Variants in ERH observed in about 807,000 individuals in gnomAD.
ERH encodes enhancer of rudimentary homolog.
A neutral mutation model predicts 16.8 loss-of-function variants in ERH; 1 was observed. The ratio of observed to expected loss-of-function variants is 0.06; its 90% CI spans 0.02 to 0.28. The LOEUF (loss-of-function observed/expected upper bound fraction) is 0.28. Ranked by LOEUF, ERH falls within the 10% of genes least tolerant of loss-of-function variation. The pLI, the probability that ERH is intolerant of heterozygous loss-of-function variation, is 1.00. For synonymous variants in ERH, 43 were observed against 43.6 expected (o/e 0.99, Z 0.05); for missense variants, 42 against 127.5 (o/e 0.33, Z 3.23).
intron 3 of ERH, among the ~76,000 whole-genome samples, chr14:69,383,233 C>A (rs772423697): frequency 6.6e-6 from 1 of 152,210 alleles, no homozygotes; most frequent in African/African-American, 2.4e-5. Flanking sequence ...TTCATGCCTA[C>A]ATTTTATTAT....
At chr14:69,388,936 A>G (rs959788775) in intron 2 of ERH, among the ~76,000 whole-genome samples, 3 of 152,230 alleles carry the variant, frequency 2.0e-5, no homozygotes, top group Non-Finnish European at 1.5e-5. Context: ...TGATCACAGA[A>G]TATCACCCAT....
intron 1 of ERH, 186 bp downstream of exon 1, chr14:69,398,045 G>A (rs1195466155): frequency 2.7e-6 from 2 of 744,872 alleles, no homozygotes; most frequent in African/African-American, 1.8e-5. Flanking sequence ...GGCGGACCGG[G>A]GCTCCGAGGC....
intron 2 of ERH, among the ~76,000 whole-genome samples, chr14:69,389,265 G>A (rs1317855002): frequency 6.6e-6 from 1 of 152,176 alleles, no homozygotes; most frequent in East Asian, 1.9e-4. Flanking sequence ...GACCTCAGGT[G>A]ATCCACCCGC....
intron 1 of ERH, among the ~76,000 whole-genome samples, chr14:69,397,492 G>GA (rs1261051059): frequency 6.0e-5 from 9 of 151,146 alleles, no homozygotes; most frequent in Non-Finnish European, 1.2e-4. Flanking sequence ...AACGAAAGCT[G>GA]AAAAAACACT....
At chr14:69,383,257 G>T (rs2045873243) in intron 3 of ERH, among the ~76,000 whole-genome samples, 1 of 152,212 alleles carries the variant, frequency 6.6e-6, no homozygotes, top group Non-Finnish European at 1.5e-5. Context: ...TGCATGGTCA[G>T]TTTGCTCTGG....
intron 2 of ERH, among the ~76,000 whole-genome samples, chr14:69,387,920 C>T (rs1594887586): frequency 6.6e-6 from 1 of 152,134 alleles, no homozygotes; most frequent in East Asian, 1.9e-4. Flanking sequence ...GTGGCAGGCA[C>T]CTGTAGCCCC....
At chr14:69,395,625 A>T (rs1382087853) in intron 1 of ERH, among the ~76,000 whole-genome samples, 1 of 152,230 alleles carries the variant, frequency 6.6e-6, no homozygotes, top group East Asian at 1.9e-4. Flanking sequence ...AATCACAAGC[A>T]TGGTTTCAAC....
intron 3 of ERH, among the ~76,000 whole-genome samples, chr14:69,385,691 A>C (rs2045887847): frequency 6.6e-6 from 1 of 152,002 alleles, no homozygotes; most frequent in Admixed American, 6.6e-5. Context: ...GCCACCTATA[A>C]ATCCTCTCTT....
At chr14:69,393,115 G>A (rs943058291) in intron 2 of ERH, among the ~76,000 whole-genome samples, 4 of 152,134 alleles carry the variant, frequency 2.6e-5, no homozygotes, top group African/African-American at 7.2e-5. Flanking sequence ...TCAGGAGTTC[G>A]GGACCAGCCT....
chr14:69,394,651 A>C (rs1882294631), intron 2 of ERH, among the ~76,000 whole-genome samples, 174 bp downstream of exon 2: 1 of 152,228 alleles, frequency 6.6e-6, no homozygotes, highest in Admixed American at 6.5e-5. Flanking sequence ...ATTATGGTCC[A>C]TCCTAAATAT....
At chr14:69,394,606 A>G (rs993669546) in intron 2 of ERH, among the ~76,000 whole-genome samples, 1 of 122,596 alleles carries the variant, frequency 8.2e-6, no homozygotes, top group African/African-American at 3.0e-5. Flanking sequence ...CAAATAATAC[A>G]TAAATAAACA....
At chr14:69,390,099 C>T (rs530801475) in intron 2 of ERH, among the ~76,000 whole-genome samples, 3 of 152,288 alleles carry the variant, frequency 2.0e-5, no homozygotes, top group Non-Finnish European at 2.9e-5. Context: ...AATGGAAAGA[C>T]ATCCCATGTT....
intron 2 of ERH, among the ~76,000 whole-genome samples, 183 bp downstream of exon 2, chr14:69,394,642 T>C (rs1882294477): frequency 6.6e-6 from 1 of 152,128 alleles, no homozygotes; most frequent in East Asian, 1.9e-4. Context: ...TGTTCAATAA[T>C]TATGGTCCAT....
At chr14:69,389,660 A>T (rs2045913288) in intron 2 of ERH, among the ~76,000 whole-genome samples, 1 of 152,270 alleles carries the variant, frequency 6.6e-6, no homozygotes, top group Non-Finnish European at 1.5e-5. Context: ...CTGAAAATAA[A>T]ATTAAGAAAA....
At chr14:69,383,777 CT>C (rs897054342) in intron 3 of ERH, among the ~76,000 whole-genome samples, 7 of 152,104 alleles carry the variant, frequency 4.6e-5, no homozygotes, top group Admixed American at 1.3e-4. Flanking sequence ...AGCTTTCCCC[CT>C]ATGTTGCTTT....
chr14:69,387,174 T>C (rs568427186), intron 2 of ERH, 91 bp from the exon 3 acceptor site: 3 of 1,004,228 alleles, frequency 3.0e-6, no homozygotes, highest in East Asian at 2.6e-5. Flanking sequence ...TATGTTGATA[T>C]CATATTTACT....
At position 69,385,375 on chromosome 14, in the gene ERH, T is replaced by C. The variant is rs189617041; in HGVS notation, c.212+1588A>G. On this transcript the variant is annotated intron_variant, in intron 3 of 3. Coordinates refer to ENST00000557016, the MANE Select transcript of ERH (RefSeq NM_004450.3). ...TACTTTTCCACAAACCTGTAACACC[T>C]GTTTCAAATGATGTCCTTGCTCCTT... is the stretch of plus-strand genomic sequence containing the variant. 6.5e-3 allele frequency among the ~76,000 whole-genome samples: 983 copies of C among 152,284 alleles called. 11 individuals are homozygous for C. Among genetic ancestry groups the C allele is most frequent in the African/African-American group, 0.022 (926 of 41,550 alleles).
At chr14:69,386,268 A>G (rs1473425295) in intron 3 of ERH, among the ~76,000 whole-genome samples, 2 of 152,236 alleles carry the variant, frequency 1.3e-5, no homozygotes, top group East Asian at 1.9e-4. Flanking sequence ...TAAGACTTGT[A>G]TATTTCTCAT....
At chr14:69,385,463 C>T (rs902433360) in intron 3 of ERH, among the ~76,000 whole-genome samples, 1 of 151,976 alleles carries the variant, frequency 6.6e-6, no homozygotes, top group Admixed American at 6.6e-5. Flanking sequence ...ATTTGCCTGT[C>T]CTCCCTTTTT....
Sources: allele counts gnomAD v4.1 joint callset (sites outside exome capture counted in the v4.1 genomes callset), GRCh38; gene constraint gnomAD v4.1.1; transcripts MANE v1.5; gene names NCBI Gene and HGNC (gene_info 2026-07-23, HGNC 2026-07-21).